The following MAPK14 variants were observed in gnomAD, a reference collection of about 807,000 sequenced individuals.
The protein encoded by MAPK14 is CSAID-binding protein.
A neutral mutation model predicts 49.6 loss-of-function variants in MAPK14; 16 were observed. That is an observed-to-expected ratio of 0.32 (90% CI 0.22 to 0.49). MAPK14 has a LOEUF of 0.49. Among genes scored for constraint, MAPK14 ranks in the 20% least tolerant of loss-of-function variants. The pLI, the probability that MAPK14 is intolerant of heterozygous loss-of-function variation, is 0.99. For synonymous variants in MAPK14, 142 were observed against 158.0 expected, an observed-to-expected ratio of 0.90 and a Z score of 0.76; for missense variants, 200 against 441.2, an observed-to-expected ratio of 0.45 and a Z score of 4.90.
downstream of MAPK14, among the ~76,000 whole-genome samples, chr6:36,111,748 A>C (rs1765976789): frequency 6.6e-6 from 1 of 152,024 alleles, no homozygotes; most frequent in Admixed American, 6.6e-5. Context: ...GCCTGTGAGG[A>C]TATTGAGAGC....
At chr6:36,091,448 C>T (rs528729652) in intron 8 of MAPK14, among the ~76,000 whole-genome samples, 1 of 152,182 alleles carries the variant, frequency 6.6e-6, no homozygotes, top group East Asian at 1.9e-4. Context: ...TATTTTCTAC[C>T]TAAGAGAAAC....
At chr6:36,067,438 A>G (rs1051264933) in intron 3 of MAPK14, among the ~76,000 whole-genome samples, 4 of 152,018 alleles carry the variant, frequency 2.6e-5, no homozygotes, top group African/African-American at 9.7e-5. Context: ...AGAAATACGT[A>G]TTTGTTGATG....
chr6:36,028,322 G>A lies in MAPK14; in HGVS notation c.116+49G>A. On this transcript the variant is annotated intron_variant, in intron 1 of 11. Coordinates refer to ENST00000229794, the MANE Select transcript of MAPK14 (RefSeq NM_139012.3). This position sits in a 1 kb window ranked among gnomAD's most constrained non-coding sequence, Gnocchi z 5.1. Reference sequence around the variant, plus strand: ...CGCTGTGGGCAGGGTGGCCCCTCGCGCCCGAGGGCCAGGCCTGCTCCACTG... The same window carrying A: ...CGCTGTGGGCAGGGTGGCCCCTCGCACCCGAGGGCCAGGCCTGCTCCACTG... 7.4e-7 allele frequency: 1 copy of A among 1,347,294 alleles called. No individual in the cohort carries two copies. The highest frequency in any genetic ancestry group is 1.1e-6 in the Non-Finnish European group (1 of 939,902). The allele number at this position is 1,347,294 out of a possible 1,614,324, so 83.5% of individuals were successfully genotyped here. A position where few individuals can be genotyped will look rare whatever the true frequency, so the allele number is the denominator to read the frequency against.
chr6:36,063,146 C>T (rs1365941406), intron 3 of MAPK14, among the ~76,000 whole-genome samples: 1 of 152,150 alleles, frequency 6.6e-6, no homozygotes, highest in African/African-American at 2.4e-5. Context: ...GTATAATCTA[C>T]ACACCTAATC....
intron 3 of MAPK14, among the ~76,000 whole-genome samples, chr6:36,061,132 C>G (rs1763805422): frequency 6.6e-6 from 1 of 152,090 alleles, no homozygotes; most frequent in South Asian, 2.1e-4. Flanking sequence ...AGAAGAAATG[C>G]TGAAGTAATG....
intron 10 of MAPK14, among the ~76,000 whole-genome samples, chr6:36,103,736 G>A (rs1483328657): frequency 6.6e-6 from 1 of 152,186 alleles, no homozygotes; most frequent in Non-Finnish European, 1.5e-5. Context: ...GAGGACAGTG[G>A]ACAGTGCTGT....
intron 8 of MAPK14, among the ~76,000 whole-genome samples, chr6:36,089,293 CA>C (rs1765121828): frequency 6.6e-6 from 1 of 152,134 alleles, no homozygotes; most frequent in Admixed American, 6.5e-5. Context: ...CTCAGAAAGC[CA>C]AACACCACAT....
At chr6:36,117,507 G>A in the MAPK14 span, among the ~76,000 whole-genome samples, 3 of 152,120 alleles carry the variant, frequency 2.0e-5, no homozygotes, top group African/African-American at 7.2e-5. Flanking sequence ...GATTAGCTGT[G>A]TCTTCTGCAT....
intron 8 of MAPK14, among the ~76,000 whole-genome samples, chr6:36,085,671 G>C (rs1321422405): frequency 6.6e-6 from 1 of 151,014 alleles, no homozygotes; most frequent in East Asian, 2.0e-4. Context: ...TATAAACCAA[G>C]TTCTTAGAGA....
chr6:36,115,962 A>G (rs1721126515), downstream of MAPK14, among the ~76,000 whole-genome samples: 1 of 148,432 alleles, frequency 6.7e-6, no homozygotes, highest in Non-Finnish European at 1.5e-5. Flanking sequence ...ATAAAAAGTT[A>G]TCTGGGCATG....
chr6:36,089,124 A>G (rs1178895802), intron 8 of MAPK14, among the ~76,000 whole-genome samples: 1 of 152,246 alleles, frequency 6.6e-6, no homozygotes, highest in Non-Finnish European at 1.5e-5. Context: ...TTGCAGCAGT[A>G]TTCAGAATAG....
chr6:36,097,140 G>A (rs778898879), intron 9 of MAPK14: 1 of 152,124 alleles, frequency 6.6e-6, no homozygotes, highest in African/African-American at 2.4e-5. Flanking sequence ...GTATGTATCC[G>A]GTACATTTCT....
intron 4 of MAPK14, 165 bp downstream of exon 4, chr6:36,073,149 A>C: frequency 8.1e-6 from 5 of 620,924 alleles, no homozygotes. Context: ...TCACTCAGTG[A>C]CAACAGTTAC....
At position 36,038,735 on chromosome 6, in the gene MAPK14, T is replaced by C. The variant is rs1762844221; in HGVS notation, c.116+10462T>C. 2.6e-5 allele frequency among the ~76,000 whole-genome samples: 4 copies of C among 152,130 alleles called. No individual in the cohort carries two copies. The South Asian group carries it at 8.3e-4, about 32-fold the overall frequency. ...GCCCTAGAAATTTAGGGTATTCCAG[T>C]CCAGCTCTTTAAATAACATGGGCTG... On this transcript the variant is annotated intron_variant, in intron 1 of 11. Transcript: ENST00000229794.
At chr6:36,041,050 C>G (rs1762941677) in intron 1 of MAPK14, among the ~76,000 whole-genome samples, 1 of 152,052 alleles carries the variant, frequency 6.6e-6, no homozygotes, top group African/African-American at 2.4e-5. Flanking sequence ...TCAGGAAGAT[C>G]AGCCTTCTTT....
chr6:36,068,662 G>A (rs771144486), intron 3 of MAPK14, among the ~76,000 whole-genome samples: 11 of 152,070 alleles, frequency 7.2e-5, no homozygotes, highest in East Asian at 1.9e-4. Context: ...TATAGATATC[G>A]AAGAGTTTTT....
At chr6:36,065,223 T>C (rs1763998610) in intron 3 of MAPK14, among the ~76,000 whole-genome samples, 1 of 152,238 alleles carries the variant, frequency 6.6e-6, no homozygotes, top group Non-Finnish European at 1.5e-5. Flanking sequence ...TTGTAAGCTG[T>C]GTTCAAGCAC....
intron 2 of MAPK14, among the ~76,000 whole-genome samples, chr6:36,053,994 C>A (rs886168115): frequency 6.6e-6 from 1 of 152,080 alleles, no homozygotes; most frequent in African/African-American, 2.4e-5. Flanking sequence ...TAGCTATGTG[C>A]AAACCAGAGT....
the MAPK14 span, among the ~76,000 whole-genome samples, chr6:36,118,778 T>C: frequency 3.9e-5 from 6 of 152,184 alleles, no homozygotes; most frequent in Non-Finnish European, 7.4e-5. Flanking sequence ...ACACAGTGCT[T>C]GTGGTGGGGA....
Sources: allele counts gnomAD v4.1 joint callset (sites outside exome capture counted in the v4.1 genomes callset), GRCh38; gene constraint gnomAD v4.1.1; non-coding constraint Gnocchi (gnomAD v3.1); transcripts MANE v1.5; gene names NCBI Gene and HGNC (gene_info 2026-07-23, HGNC 2026-07-21).